LCOR: variants seen among roughly 807,000 people sequenced by gnomAD.
LCOR encodes ligand-dependent corepressor.
LCOR carries 14 observed loss-of-function variants against 64.4 expected under a neutral mutation model. The observed-to-expected ratio is 0.22, with a 90% CI of 0.14 to 0.34. The LOEUF (loss-of-function observed/expected upper bound fraction) is 0.34, where lower values mean the gene tolerates loss of function less well. LCOR is among the 10% of genes least tolerant of loss of function. The probability of loss-of-function intolerance (pLI) is 1.00; values close to 1 mark genes in which losing one functional copy is unlikely to be tolerated. For synonymous variants in LCOR, 643 were observed against 642.5 expected (o/e 1.00, Z -0.01); for missense variants, 1,686 against 1,765.3 (o/e 0.96, Z 0.80).
At chr10:96,924,195 C>G (rs1382490438) in intron 4 of LCOR, among the ~76,000 whole-genome samples, 1 of 152,038 alleles carries the variant, frequency 6.6e-6, no homozygotes, top group Non-Finnish European at 1.5e-5. Flanking sequence ...AAGTAGGGCT[C>G]CATCTTTGTC....
At chr10:96,946,037 T>A (rs1314036657) in intron 5 of LCOR, among the ~76,000 whole-genome samples, 1 of 152,008 alleles carries the variant, frequency 6.6e-6, no homozygotes, top group Non-Finnish European at 1.5e-5. Context: ...TCTGAAATTG[T>A]AAGTTGAGTT....
At chr10:96,955,104 G>A (rs1272837364) in intron 7 of LCOR, 3 of 1,614,040 alleles carry the variant, frequency 1.9e-6, no homozygotes, top group African/African-American at 1.3e-5. Context: ...GATTAGTGAA[G>A]AACTACTGAG....
At chr10:96,956,517 A>T in intron 7 of LCOR, 2 of 983,556 alleles carry the variant, frequency 2.0e-6, no homozygotes, top group Non-Finnish European at 2.4e-6. Flanking sequence ...GTTACATTTT[A>T]TAATTTTCTT....
intron 4 of LCOR, among the ~76,000 whole-genome samples, chr10:96,943,729 A>G (rs751585708): frequency 1.8e-4 from 27 of 151,276 alleles, no homozygotes; most frequent in Non-Finnish European, 4.0e-4. Flanking sequence ...TGGAATTCAA[A>G]AAAAATTTTT....
intron 2 of LCOR, among the ~76,000 whole-genome samples, chr10:96,906,152 C>T (rs914108985): frequency 3.9e-5 from 6 of 152,156 alleles, no homozygotes; most frequent in African/African-American, 2.4e-5. Context: ...ACAATTAAAT[C>T]GCAAACCCCT....
At chr10:96,960,557 G>A (rs1169653521) in intron 7 of LCOR, 3 of 152,136 alleles carry the variant, frequency 2.0e-5, no homozygotes, top group African/African-American at 4.8e-5. Context: ...ACAGAATTGT[G>A]CTCCACTTTA....
chr10:96,867,294 G>A (rs1845990774), intron 2 of LCOR, among the ~76,000 whole-genome samples: 1 of 152,158 alleles, frequency 6.6e-6, no homozygotes, highest in Non-Finnish European at 1.5e-5. Flanking sequence ...TGCCCGGACA[G>A]TCTTTTCTGT....
intron 5 of LCOR, among the ~76,000 whole-genome samples, chr10:96,944,707 T>A (rs1847556973): frequency 6.6e-6 from 1 of 152,054 alleles, no homozygotes; most frequent in Non-Finnish European, 1.5e-5. Flanking sequence ...CACTAAAATT[T>A]TTTATATTAA....
At chr10:96,868,897 A>T (rs1413656255) in intron 2 of LCOR, among the ~76,000 whole-genome samples, 1 of 151,978 alleles carries the variant, frequency 6.6e-6, no homozygotes, top group Non-Finnish European at 1.5e-5. Context: ...AGATGAATTA[A>T]TTGTTGGTTT....
intron 2 of LCOR, among the ~76,000 whole-genome samples, chr10:96,901,658 C>T (rs1053632712): frequency 2.0e-5 from 3 of 152,200 alleles, no homozygotes; most frequent in Admixed American, 1.3e-4. Context: ...AGATACTGCA[C>T]GTCTGGCCAC....
chr10:96,961,278 C>CAGTT (rs903835797), intron 7 of LCOR: 2 of 151,960 alleles, frequency 1.3e-5, no homozygotes, highest in Admixed American at 6.6e-5. Context: ...TTATGGTTTC[C>CAGTT]AGTTCATTTA....
chr10:96,927,088 G>T (rs1234772900), intron 4 of LCOR, among the ~76,000 whole-genome samples: 1 of 152,100 alleles, frequency 6.6e-6, no homozygotes, highest in Non-Finnish European at 1.5e-5. Context: ...GTTATATTAT[G>T]ATACGGTTTA....
intron 5 of LCOR, among the ~76,000 whole-genome samples, chr10:96,945,095 T>TA (rs888593224): frequency 2.7e-4 from 41 of 152,334 alleles, no homozygotes; most frequent in African/African-American, 8.2e-4. Flanking sequence ...TGATGGGTTC[T>TA]AAAAAAGTTT....
intron 2 of LCOR, among the ~76,000 whole-genome samples, chr10:96,847,072 G>A (rs1414591662): frequency 3.3e-5 from 5 of 151,960 alleles, no homozygotes; most frequent in African/African-American, 1.2e-4. Flanking sequence ...GTGAAACCCC[G>A]TCTCTACAAA....
At chr10:96,889,336 A>G (rs539080640) in intron 2 of LCOR, among the ~76,000 whole-genome samples, 104 of 152,348 alleles carry the variant, frequency 6.8e-4, no homozygotes, top group African/African-American at 2.4e-3. Flanking sequence ...TCAGGTTGCC[A>G]TAACCAAAAT....
chr10:96,851,105 G>A (rs1201236852), intron 2 of LCOR, among the ~76,000 whole-genome samples: 2 of 152,204 alleles, frequency 1.3e-5, no homozygotes, highest in South Asian at 2.1e-4. Context: ...ACAGAAAGGC[G>A]TGGATCACGA....
rs574177099 is a variant in LCOR at position 96,901,936 on chromosome 10, A to G, written c.-329-5329A>G. On this transcript the variant is annotated intron_variant, in intron 2 of 7. Transcript: ENST00000421806. ...AGGTGTGTGCCACCACCCTGGGCTA[A>G]TTTTTTGTACTTTTTTATAGAGACG... 9.9e-5 allele frequency among the ~76,000 whole-genome samples: 15 copies of G among 152,188 alleles called. 1 individual carries two copies. In the South Asian group the frequency reaches 2.9e-3, roughly 29 times the overall value.
intron 7 of LCOR, among the ~76,000 whole-genome samples, chr10:96,979,904 G>A (rs746698122): frequency 3.3e-5 from 5 of 152,244 alleles, no homozygotes; most frequent in Non-Finnish European, 7.3e-5. Context: ...AGCACTTTGG[G>A]AGGTTGAGGC....
intron 4 of LCOR, among the ~76,000 whole-genome samples, chr10:96,937,512 A>T (rs1277733533): frequency 6.6e-6 from 1 of 151,978 alleles, no homozygotes; most frequent in Admixed American, 6.6e-5. Context: ...TGGTATATAT[A>T]TTTTTTCTTT....
Sources: allele counts gnomAD v4.1 joint callset (sites outside exome capture counted in the v4.1 genomes callset), GRCh38; gene constraint gnomAD v4.1.1; transcripts MANE v1.5; gene names NCBI Gene and HGNC (gene_info 2026-07-23, HGNC 2026-07-21).